Variants in COL19A1 observed in about 807,000 individuals in gnomAD.
COL19A1 encodes collagen alpha-1(XIX) chain.
A neutral mutation model predicts 190.2 loss-of-function variants in COL19A1; 159 were observed. The ratio of observed to expected loss-of-function variants is 0.84; its 90% CI spans 0.73 to 0.95. COL19A1 has a LOEUF of 0.95. Ranked by LOEUF, COL19A1 falls within the 40% of genes least tolerant of loss-of-function variation. The pLI, the probability that COL19A1 is intolerant of heterozygous loss-of-function variation, is 0.00. For missense variants in COL19A1, 1,418 were observed against 1,431.9 expected (o/e 0.99, Z 0.16); for synonymous variants, 509 against 458.9 (o/e 1.11, Z -1.39).
At chr6:70,053,637 G>A (rs2150134618) in intron 14 of COL19A1, among the ~76,000 whole-genome samples, 1 of 152,240 alleles carries the variant, frequency 6.6e-6, no homozygotes, top group South Asian at 2.1e-4. Context: ...TTTGTATATA[G>A]ACTTATTTTT....
intron 11 of COL19A1, among the ~76,000 whole-genome samples, chr6:69,984,188 G>C (rs1776193795): frequency 6.6e-6 from 1 of 152,152 alleles, no homozygotes; most frequent in East Asian, 1.9e-4. Context: ...TGGTTATAAG[G>C]AGAACTACAT....
rs760132719 is a variant in COL19A1 at position 69,938,105 on chromosome 6, GA to G, written c.936+12del. On this transcript the variant is annotated splice_donor_region_variant and intron_variant, in intron 9 of 50. Coordinates refer to ENST00000620364, the MANE Select transcript of COL19A1 (RefSeq NM_001858.6). ...AAAGGGCATAAAGGAGAGCCGGTAA[GA>G]AAAAAACAAATACTGATGGAGAAAA... 2 of 1,609,616 alleles carry G rather than the reference GA, an allele frequency of 1.2e-6. No homozygotes were observed. Among genetic ancestry groups the G allele is most frequent in the African/African-American group, 2.7e-5 (2 of 74,630 alleles).
intron 34 of COL19A1, among the ~76,000 whole-genome samples, chr6:70,160,815 A>G (rs984394135): frequency 6.6e-6 from 1 of 152,152 alleles, no homozygotes; most frequent in Admixed American, 6.5e-5. Flanking sequence ...CCCATCTTTT[A>G]GGAAGTACAT....
intron 2 of COL19A1, among the ~76,000 whole-genome samples, chr6:69,883,436 C>T (rs1768699122): frequency 6.6e-6 from 1 of 152,174 alleles, no homozygotes; most frequent in African/African-American, 2.4e-5. Context: ...ATGTATGCCC[C>T]TCATTACCTC....
chr6:70,128,221 A>G (rs746406014), intron 17 of COL19A1, among the ~76,000 whole-genome samples: 1 of 152,222 alleles, frequency 6.6e-6, no homozygotes, highest in Non-Finnish European at 1.5e-5. Flanking sequence ...TAAGGGAAGT[A>G]TATGCGGGGA....
chr6:70,200,595 G>A (rs544766491), intron 49 of COL19A1, among the ~76,000 whole-genome samples: 3 of 152,166 alleles, frequency 2.0e-5, no homozygotes, highest in Non-Finnish European at 4.4e-5. Context: ...AAGAAAAGTG[G>A]AAATTAACAC....
chr6:70,091,889 T>G (rs1286816444), intron 15 of COL19A1, among the ~76,000 whole-genome samples: 1 of 152,190 alleles, frequency 6.6e-6, no homozygotes, highest in Non-Finnish European at 1.5e-5. Flanking sequence ...GACTTCAAAT[T>G]ACTTTTACCC....
chr6:70,135,950 A>G (rs1785840435), intron 18 of COL19A1, among the ~76,000 whole-genome samples: 1 of 152,022 alleles, frequency 6.6e-6, no homozygotes, highest in Non-Finnish European at 1.5e-5. Flanking sequence ...TACAAGTCAA[A>G]GCTTTTTCTG....
intron 11 of COL19A1, among the ~76,000 whole-genome samples, chr6:70,006,041 G>C (rs1440641748): frequency 2.0e-5 from 3 of 152,082 alleles, no homozygotes; most frequent in Non-Finnish European, 4.4e-5. Context: ...CTTGAAAAGG[G>C]CTTTTTCAGT....
intron 11 of COL19A1, among the ~76,000 whole-genome samples, chr6:70,016,613 A>G (rs536170756): frequency 6.6e-5 from 10 of 152,082 alleles, no homozygotes; most frequent in East Asian, 3.9e-4. Context: ...ATATTCTGGG[A>G]GCAAGTATTT....
At chr6:70,034,969 T>A (rs944788808) in intron 13 of COL19A1, among the ~76,000 whole-genome samples, 1 of 152,214 alleles carries the variant, frequency 6.6e-6, no homozygotes, top group African/African-American at 2.4e-5. Flanking sequence ...TTTAAGCCAC[T>A]TCAGTGTTCC....
chr6:70,108,019 T>C (rs1312768047), intron 16 of COL19A1, among the ~76,000 whole-genome samples: 6 of 152,188 alleles, frequency 3.9e-5, no homozygotes, highest in Non-Finnish European at 8.8e-5. Flanking sequence ...TTGGAAAGTC[T>C]CAAGACTTGG....
chr6:70,053,479 C>T (rs920413805), intron 14 of COL19A1, among the ~76,000 whole-genome samples: 1 of 152,126 alleles, frequency 6.6e-6, no homozygotes, highest in African/African-American at 2.4e-5. Context: ...ACAACCTGAG[C>T]ATGTATGTAA....
intron 4 of COL19A1, among the ~76,000 whole-genome samples, chr6:69,913,018 G>T (rs1342282097): frequency 6.6e-6 from 1 of 152,140 alleles, no homozygotes; most frequent in Non-Finnish European, 1.5e-5. Context: ...AGCCCAGGGA[G>T]GTTGAGGCTG....
At chr6:70,115,348 C>T (rs1784502356) in intron 16 of COL19A1, among the ~76,000 whole-genome samples, 1 of 152,152 alleles carries the variant, frequency 6.6e-6, no homozygotes, top group Non-Finnish European at 1.5e-5. Context: ...AAATATAATA[C>T]TACCCACTTC....
rs573474618 is a variant in COL19A1, at chr6:70,141,703, G to T, written c.1483-190G>T. ...AAAATTATTATAATGAAGAAATCAA[G>T]AAAGTATTATTTATTAGTAGTAAGT... On this transcript the variant is annotated intron_variant, in intron 20 of 50. Transcript: ENST00000620364. Among the ~76,000 whole-genome samples the T allele has an allele frequency of 7.2e-5, 11 of 152,124 alleles. No homozygotes were observed. In the East Asian group the frequency reaches 1.9e-3, roughly 27 times the overall value.
chr6:69,922,481 T>TG lies in COL19A1; in HGVS notation c.267-5428_267-5427insG, dbSNP rs1240378412. Among the ~76,000 whole-genome samples the TG allele has an allele frequency of 2.8e-5, 4 of 143,808 alleles. No homozygotes were observed. The East Asian group carries it at 5.9e-4, about 21-fold the overall frequency. 94.3% of individuals were successfully genotyped at this position (143,808 alleles called of 152,430 possible). A position where few individuals can be genotyped will look rare whatever the true frequency, so the allele number is the denominator to read the frequency against. ...TCGAAAAATAATTCTATTTAGGTTT[T>TG]TTTTTTTTTTTTTTTTTGATATGGA... is the stretch of plus-strand genomic sequence containing the variant. On this transcript the variant is annotated intron_variant, in intron 4 of 50. Transcript: ENST00000620364.
chr6:70,120,573 T>C (rs1420922536), intron 16 of COL19A1, among the ~76,000 whole-genome samples: 3 of 152,202 alleles, frequency 2.0e-5, no homozygotes, highest in African/African-American at 7.2e-5. Flanking sequence ...AAAAGTTGCA[T>C]GAAAAATATA....
intron 15 of COL19A1, 77 bp from the exon 16 acceptor site, chr6:70,102,092 A>T (rs1052928582): frequency 1.8e-6 from 2 of 1,139,770 alleles, no homozygotes; most frequent in Non-Finnish European, 2.7e-6. Flanking sequence ...TGTCTTCAAT[A>T]TTCCCATTTA....
Sources: allele counts gnomAD v4.1 joint callset (sites outside exome capture counted in the v4.1 genomes callset), GRCh38; gene constraint gnomAD v4.1.1; transcripts MANE v1.5; gene names NCBI Gene and HGNC (gene_info 2026-07-23, HGNC 2026-07-21).